The following ARID5B variants were observed in gnomAD, a reference collection of about 807,000 sequenced individuals.
The protein encoded by ARID5B is AT-rich interactive domain-containing protein 5B.
Under a neutral mutation model 97.2 loss-of-function variants are expected in ARID5B, and 13 were observed. The observed-to-expected ratio is 0.13, with a 90% CI of 0.09 to 0.21. The LOEUF is 0.21. Among genes scored for constraint, ARID5B ranks in the 10% least tolerant of loss-of-function variants. ARID5B has a pLI of 1.00. For synonymous variants in ARID5B, 556 were observed against 570.3 expected, an observed-to-expected ratio of 0.97 and a Z score of 0.36; for missense variants, 1,210 against 1,465.3, an observed-to-expected ratio of 0.83 and a Z score of 2.84.
intron 2 of ARID5B, among the ~76,000 whole-genome samples, chr10:61,906,734 T>C (rs1843714279): frequency 6.6e-6 from 1 of 152,210 alleles, no homozygotes; most frequent in Non-Finnish European, 1.5e-5. Context: ...GGGCCCCTAT[T>C]GAAGTCTCCT....
At chr10:61,977,643 G>C (rs1194924011) in intron 3 of ARID5B, among the ~76,000 whole-genome samples, 1 of 152,220 alleles carries the variant, frequency 6.6e-6, no homozygotes, top group Non-Finnish European at 1.5e-5. Flanking sequence ...TCTGTTGGCT[G>C]TACAAATGTC....
intron 3 of ARID5B, among the ~76,000 whole-genome samples, chr10:61,951,820 G>A (rs1463463247): frequency 2.0e-5 from 3 of 151,942 alleles, no homozygotes; most frequent in African/African-American, 7.3e-5. Context: ...TACTGTTTGG[G>A]AATCTACCTT....
intron 4 of ARID5B, among the ~76,000 whole-genome samples, chr10:62,042,900 G>A (rs1448027894): frequency 1.5e-5 from 2 of 130,160 alleles, no homozygotes; most frequent in African/African-American, 5.8e-5. Flanking sequence ...GGGTGAAAGA[G>A]CGAGAGTCTG....
chr10:62,075,894 A>G (rs1840125799), intron 8 of ARID5B, among the ~76,000 whole-genome samples: 1 of 149,862 alleles, frequency 6.7e-6, no homozygotes, highest in South Asian at 2.1e-4. Flanking sequence ...TTGCCATTTG[A>G]TTAACTGTCT....
At chr10:61,904,967 T>C (rs1843685513) in intron 2 of ARID5B, among the ~76,000 whole-genome samples, 1 of 152,228 alleles carries the variant, frequency 6.6e-6, no homozygotes, top group Non-Finnish European at 1.5e-5. Flanking sequence ...GAGGAGAGCC[T>C]TACAGAAACC....
intron 4 of ARID5B, among the ~76,000 whole-genome samples, chr10:62,016,307 A>G (rs1839283434): frequency 6.6e-6 from 1 of 152,204 alleles, no homozygotes; most frequent in East Asian, 1.9e-4. Context: ...TGTACAGAAA[A>G]ATGTATTGAC....
At chr10:62,054,825 G>A (rs1361079326) in intron 5 of ARID5B, among the ~76,000 whole-genome samples, 1 of 152,146 alleles carries the variant, frequency 6.6e-6, no homozygotes, top group Non-Finnish European at 1.5e-5. Context: ...ATTGGGGTTT[G>A]GAGTGGGGCA....
At chr10:61,963,200 TC>T (rs1374155419) in intron 3 of ARID5B, among the ~76,000 whole-genome samples, 8 of 152,156 alleles carry the variant, frequency 5.3e-5, no homozygotes, top group Non-Finnish European at 8.8e-5. Context: ...CTTTTTTAGT[TC>T]CCTAATTTCT....
At chr10:61,968,209 C>A (rs1042302418) in intron 3 of ARID5B, among the ~76,000 whole-genome samples, 5 of 149,166 alleles carry the variant, frequency 3.4e-5, no homozygotes, top group African/African-American at 1.3e-4. Context: ...CACACACACA[C>A]ACACAAACAC....
intron 8 of ARID5B, among the ~76,000 whole-genome samples, chr10:62,075,051 C>A (rs1432633721): frequency 6.6e-6 from 1 of 152,138 alleles, no homozygotes; most frequent in African/African-American, 2.4e-5. Context: ...CGTCTTTCAC[C>A]CAGGTCAGTG....
In ARID5B at chr10:62,093,243, C is replaced by T; in HGVS notation, c.*213C>T. The T allele has an allele frequency of 1.7e-6, 1 of 591,088 alleles. No individual in the cohort carries two copies. The highest frequency in any genetic ancestry group is 2.7e-6 in the Non-Finnish European group (1 of 364,912). 36.6% of individuals were successfully genotyped at this position (591,088 alleles called of 1,614,324 possible). A position where few individuals can be genotyped will look rare whatever the true frequency, so the allele number is the denominator to read the frequency against. On this transcript the variant is annotated 3_prime_UTR_variant, in exon 10 of 10. Transcript: ENST00000279873. ...CTGACTGGCTGGTGAGTCTTGACTC[C>T]CTTCCAACACAGATGCCCAGGCACC...
chr10:62,085,065 A>T (rs1415457144), intron 8 of ARID5B, among the ~76,000 whole-genome samples: 1 of 152,230 alleles, frequency 6.6e-6, no homozygotes, highest in Non-Finnish European at 1.5e-5. Context: ...TCAGATGGGC[A>T]GCACTAGGTT....
intron 4 of ARID5B, among the ~76,000 whole-genome samples, chr10:62,028,729 G>A (rs1475769490): frequency 1.3e-5 from 2 of 152,184 alleles, no homozygotes; most frequent in East Asian, 1.9e-4. Flanking sequence ...GGGAGGACGA[G>A]GCGGATGGAT....
At chr10:61,967,879 T>C (rs983028723) in intron 3 of ARID5B, among the ~76,000 whole-genome samples, 8 of 152,144 alleles carry the variant, frequency 5.3e-5, no homozygotes, top group Non-Finnish European at 1.2e-4. Context: ...GAACAGTTCA[T>C]ATAACCTTTT....
chr10:62,000,967 T>C lies in ARID5B; in HGVS notation c.733+646T>C, dbSNP rs1839072240. On this transcript the variant is annotated intron_variant, in intron 4 of 9. Transcript: ENST00000279873. This position sits in a 1 kb window ranked among gnomAD's most constrained non-coding sequence, Gnocchi z 4.4. ...GCACATTGTGCCCACCAAAGATGGA[T>C]ACATATCTTAATCTGCATCTCTGCC... is the stretch of plus-strand genomic sequence containing the variant. 6.6e-6 allele frequency among the ~76,000 whole-genome samples: 1 copy of C among 152,198 alleles called. No homozygotes were observed. The highest frequency in any genetic ancestry group is 1.5e-5 in the Non-Finnish European group (1 of 68,026).
At chr10:61,999,653 G>T (rs76209253) in intron 3 of ARID5B, among the ~76,000 whole-genome samples, 183 of 152,282 alleles carry the variant, frequency 1.2e-3, no homozygotes, top group African/African-American at 4.0e-3. Flanking sequence ...TGGAACCATC[G>T]TTCAGTTGAG....
rs1255150212 is a variant in ARID5B at position 62,093,255 on chromosome 10, G to GA, written c.*226dup. 4 of 532,568 alleles carry GA rather than the reference G, an allele frequency of 7.5e-6. No homozygotes were observed. The highest frequency in any genetic ancestry group is 1.3e-5 in the Non-Finnish European group (4 of 317,730). 33.0% of individuals were successfully genotyped at this position (532,568 alleles called of 1,614,324 possible). ...TGAGTCTTGACTCCCTTCCAACACA[G>GA]ATGCCCAGGCACCTCCAGATCATTC... On this transcript the variant is annotated 3_prime_UTR_variant, in exon 10 of 10. Coordinates refer to ENST00000279873, the MANE Select transcript of ARID5B (RefSeq NM_032199.3).
intron 9 of ARID5B, among the ~76,000 whole-genome samples, chr10:62,088,108 C>T (rs938188983): frequency 1.3e-5 from 2 of 152,128 alleles, no homozygotes; most frequent in African/African-American, 2.4e-5. Context: ...CTCAAATGAT[C>T]CTCCTGCCTT....
chr10:62,080,822 CT>C lies in ARID5B; in HGVS notation c.1200-4870del, dbSNP rs908868547. On this transcript the variant is annotated intron_variant, in intron 8 of 9. Coordinates refer to ENST00000279873, the MANE Select transcript of ARID5B (RefSeq NM_032199.3). Reference sequence around the variant, plus strand: ...CCTAATAGTATTAGAATAGTAGTGCCTTTTTTTTTTCTTTTTTTGAGACAGA... The same window carrying C: ...CCTAATAGTATTAGAATAGTAGTGCCTTTTTTTTTCTTTTTTTGAGACAGA... Among the ~76,000 whole-genome samples the C allele has an allele frequency of 6.1e-5, 9 of 147,214 alleles. No homozygotes were observed. In the South Asian group the frequency reaches 6.5e-4, roughly 11 times the overall value.
Sources: gnomAD v4.1 joint callset for allele counts (sites outside exome capture counted in the v4.1 genomes callset) on GRCh38, gnomAD v4.1.1 for gene constraint, Gnocchi (gnomAD v3.1) non-coding constraint, MANE v1.5 for transcripts, NCBI Gene and HGNC (gene_info 2026-07-23, HGNC 2026-07-21) for gene names.